LTN1: variants seen among roughly 807,000 people sequenced by gnomAD.
LTN1 encodes listerin E3 ubiquitin protein ligase 1, also known as E3 ubiquitin-protein ligase listerin.
In LTN1, 88 loss-of-function variants were observed where a neutral mutation model predicts 201.2. The ratio of observed to expected loss-of-function variants is 0.44; its 90% CI spans 0.37 to 0.52. LTN1 has a LOEUF of 0.52. Among genes scored for constraint, LTN1 ranks in the 20% least tolerant of loss-of-function variants. The pLI, the probability that LTN1 is intolerant of heterozygous loss-of-function variation, is 0.00. For missense variants in LTN1, 1,752 were observed against 2,038.7 expected (o/e 0.86, Z 2.71); for synonymous variants, 645 against 713.5 (o/e 0.90, Z 1.53).
intron 1 of LTN1, 128 bp downstream of exon 1, chr21:28,992,636 G>A (rs1409558943): frequency 7.3e-6 from 7 of 958,250 alleles, no homozygotes; most frequent in Middle Eastern, 2.9e-4. Flanking sequence ...ACAACAGAGA[G>A]GTCACACTCG....
chr21:28,934,216 A>G (rs899259858), intron 27 of LTN1, among the ~76,000 whole-genome samples: 2 of 152,224 alleles, frequency 1.3e-5, no homozygotes, highest in African/African-American at 4.8e-5. Flanking sequence ...ATCTGGTCCT[A>G]CTAAACTGTT....
At chr21:28,958,060 T>C (rs993264567) in intron 14 of LTN1, among the ~76,000 whole-genome samples, 2 of 152,238 alleles carry the variant, frequency 1.3e-5, no homozygotes, top group Non-Finnish European at 2.9e-5. Context: ...TAACTGGCAG[T>C]TTAAATGGAT....
At chr21:28,973,347 A>AG in intron 6 of LTN1, among the ~76,000 whole-genome samples, 1 of 100,144 alleles carries the variant, frequency 1.0e-5, no homozygotes, top group Admixed American at 1.1e-4. Context: ...AATCCGTCCC[A>AG]AAAAAAAAAA....
intron 28 of LTN1, 23 bp downstream of exon 28, chr21:28,932,447 C>T (rs1196314406): frequency 1.9e-6 from 3 of 1,597,052 alleles, no homozygotes; most frequent in Non-Finnish European, 2.6e-6. Flanking sequence ...TTTGTAAAGC[C>T]AAATGTGTAA....
At chr21:28,932,693 G>T (rs2084221000) in intron 27 of LTN1, 29 bp from the exon 28 acceptor site, 11 of 1,507,130 alleles carry the variant, frequency 7.3e-6, no homozygotes, top group Non-Finnish European at 1.0e-5. Flanking sequence ...TATTTTGTTT[G>T]CCAAATTTCT....
At chr21:28,965,831 CAAA>C in intron 11 of LTN1, 31 bp downstream of exon 11, 2 of 902,136 alleles carry the variant, frequency 2.2e-6, no homozygotes, top group Non-Finnish European at 1.6e-6. Flanking sequence ...CCCATAAATA[CAAA>C]AAAAAAAAGA....
chr21:28,931,082 T>TG, intron 29 of LTN1, 73 bp downstream of exon 29: 1 of 867,866 alleles, frequency 1.2e-6, no homozygotes, highest in Non-Finnish European at 1.9e-6. Flanking sequence ...TGTGTGTGTG[T>TG]GTGTGTGTGT....
chr21:28,931,935 A>C (rs990704407), intron 28 of LTN1, among the ~76,000 whole-genome samples: 3 of 152,154 alleles, frequency 2.0e-5, no homozygotes, highest in African/African-American at 7.2e-5. Flanking sequence ...ACTGGGAGGC[A>C]GAGGTTGCAG....
chr21:28,984,456 T>G (rs1373282700), intron 4 of LTN1, among the ~76,000 whole-genome samples: 2 of 152,076 alleles, frequency 1.3e-5, no homozygotes, highest in African/African-American at 4.8e-5. Flanking sequence ...TAATAAAGAC[T>G]TCAAAATTAA....
chr21:28,957,092 G>T, intron 15 of LTN1, 144 bp from the exon 16 acceptor site: 1 of 674,912 alleles, frequency 1.5e-6, no homozygotes, highest in Non-Finnish European at 2.4e-6. Context: ...ATCAACATGT[G>T]TATTTCTTTA....
chr21:28,984,390 TA>T (rs2084681364), intron 4 of LTN1, among the ~76,000 whole-genome samples: 1 of 152,086 alleles, frequency 6.6e-6, no homozygotes, highest in African/African-American at 2.4e-5. Context: ...ATTTTAGATT[TA>T]TTTTTAGATA....
At chr21:28,979,465 A>C (rs930433912) in intron 6 of LTN1, among the ~76,000 whole-genome samples, 1 of 152,208 alleles carries the variant, frequency 6.6e-6, no homozygotes, top group African/African-American at 2.4e-5. Context: ...GGCAGTTAGA[A>C]GTCATGAATC....
chr21:28,990,288 T>C (rs1427729602), intron 1 of LTN1, among the ~76,000 whole-genome samples: 1 of 152,224 alleles, frequency 6.6e-6, no homozygotes, highest in African/African-American at 2.4e-5. Context: ...GAGTCTTCTA[T>C]TGAAGACTTT....
chr21:28,975,876 T>A (rs1037977780), intron 6 of LTN1, among the ~76,000 whole-genome samples: 1 of 152,214 alleles, frequency 6.6e-6, no homozygotes, highest in African/African-American at 2.4e-5. Flanking sequence ...TAAAAACATA[T>A]GTTCACACGA....
At chr21:28,948,068 T>C (rs867727764) in intron 18 of LTN1, among the ~76,000 whole-genome samples, 1 of 146,976 alleles carries the variant, frequency 6.8e-6, no homozygotes, top group Admixed American at 6.8e-5. Context: ...GGCAGGCACC[T>C]GTAATCCCAG....
At chr21:28,932,898 A>G (rs1173023915) in intron 27 of LTN1, among the ~76,000 whole-genome samples, 1 of 152,230 alleles carries the variant, frequency 6.6e-6, no homozygotes, top group Admixed American at 6.5e-5. Context: ...ATTGCTCATA[A>G]AAAAGGTTTT....
rs1409908712 is a variant in LTN1 at position 28,969,446 on chromosome 21, G to A, written c.1311+20C>T. On this transcript the variant is annotated intron_variant, in intron 9 of 29. Coordinates refer to ENST00000361371, the MANE Select transcript of LTN1 (RefSeq NM_015565.3). Reference sequence around the variant, plus strand: ...ATAATCAGTATGCAAAGAGACTGACGACTTTTACATTATAGATACCTGATC... The same window carrying A: ...ATAATCAGTATGCAAAGAGACTGACAACTTTTACATTATAGATACCTGATC... 6.3e-6 allele frequency: 10 copies of A among 1,595,860 alleles called. No individual in the cohort carries two copies. Among genetic ancestry groups the A allele is most frequent in the East Asian group, 2.3e-5 (1 of 44,364 alleles).
intron 23 of LTN1, 62 bp downstream of exon 23, chr21:28,943,605 C>A: frequency 8.1e-7 from 1 of 1,239,334 alleles, no homozygotes; most frequent in South Asian, 1.3e-5. Flanking sequence ...AAAGTAAAAA[C>A]TAAGCATATA....
rs141906971 is a variant in LTN1 at position 28,969,382 on chromosome 21, ACTG to A, written c.1311+81_1311+83del. The A allele has an allele frequency of 1.6e-3, 1,876 of 1,150,810 alleles. 22 individuals carry two copies. In the African/African-American group the frequency reaches 0.027, roughly 17 times the overall value. The allele number at this position is 1,150,810 out of a possible 1,614,324, so 71.3% of individuals were successfully genotyped here. A position where few individuals can be genotyped will look rare whatever the true frequency, so the allele number is the denominator to read the frequency against. ...AAAATTTTTACAAGGAAGGCTTATT[ACTG>A]TAAATGGCAACAAGACACAATGAGC... On this transcript the variant is annotated intron_variant, in intron 9 of 29. Coordinates refer to ENST00000361371, the MANE Select transcript of LTN1 (RefSeq NM_015565.3).
Sources: allele counts gnomAD v4.1 joint callset (sites outside exome capture counted in the v4.1 genomes callset), GRCh38; gene constraint gnomAD v4.1.1; transcripts MANE v1.5; gene names NCBI Gene and HGNC (gene_info 2026-07-23, HGNC 2026-07-21).